Variants in SCML4 observed in about 807,000 individuals in gnomAD.
The protein encoded by SCML4 is Scm polycomb group protein like 4.
SCML4 carries 34 observed loss-of-function variants against 41.1 expected under a neutral mutation model. The observed-to-expected ratio is 0.83, with a 90% CI of 0.63 to 1.10. The LOEUF (loss-of-function observed/expected upper bound fraction) is 1.10, where lower values mean the gene tolerates loss of function less well. Among genes scored for constraint, SCML4 ranks in the 50% least tolerant of loss-of-function variants. The pLI, the probability that SCML4 is intolerant of heterozygous loss-of-function variation, is 0.00. For synonymous variants in SCML4, 214 were observed against 220.9 expected (o/e 0.97, Z 0.28); for missense variants, 522 against 534.1 (o/e 0.98, Z 0.22).
chr6:107,773,746 G>C (rs979424577), intron 1 of SCML4, among the ~76,000 whole-genome samples: 2 of 152,202 alleles, frequency 1.3e-5, no homozygotes, highest in African/African-American at 4.8e-5. Flanking sequence ...TGATGAGTGA[G>C]GCAGAACTTT....
At chr6:107,739,680 A>T (rs1777406404) in intron 5 of SCML4, among the ~76,000 whole-genome samples, 1 of 152,210 alleles carries the variant, frequency 6.6e-6, no homozygotes, top group African/African-American at 2.4e-5. Flanking sequence ...CCTCATACAA[A>T]TGCATATGCC....
At chr6:107,790,772 G>T (rs543168286) in intron 1 of SCML4, among the ~76,000 whole-genome samples, 7 of 152,120 alleles carry the variant, frequency 4.6e-5, no homozygotes, top group Non-Finnish European at 8.8e-5. Flanking sequence ...TCCCACAAAG[G>T]TCAAAGCACC....
intron 1 of SCML4, among the ~76,000 whole-genome samples, chr6:107,812,971 C>G (rs1290464752): frequency 6.6e-6 from 1 of 151,718 alleles, no homozygotes; most frequent in Non-Finnish European, 1.5e-5. Context: ...TCCTGCATTC[C>G]TAATATTTAC....
chr6:107,755,552 C>A, intron 2 of SCML4: 1 of 1,254,172 alleles, frequency 8.0e-7, no homozygotes, highest in African/African-American at 1.6e-5. Context: ...GATGCAGGGC[C>A]CAGTCCATCA....
intron 2 of SCML4, among the ~76,000 whole-genome samples, chr6:107,752,585 G>T (rs1778783625): frequency 6.6e-6 from 1 of 152,124 alleles, no homozygotes; most frequent in African/African-American, 2.4e-5. Flanking sequence ...AAGAAAACTG[G>T]GAGAGGGTGG....
chr6:107,706,533 A>G (rs1240258328), intron 7 of SCML4, among the ~76,000 whole-genome samples: 1 of 152,242 alleles, frequency 6.6e-6, no homozygotes, highest in Admixed American at 6.5e-5. Flanking sequence ...GGAAGGCGGA[A>G]TAATGCTCCT....
At chr6:107,784,813 G>T (rs750603854) in intron 1 of SCML4, among the ~76,000 whole-genome samples, 1 of 152,200 alleles carries the variant, frequency 6.6e-6, no homozygotes, top group Non-Finnish European at 1.5e-5. Context: ...GCCCATATGT[G>T]GGGGCTGCAC....
chr6:107,771,010 CAT>C (rs1355416683), intron 2 of SCML4, among the ~76,000 whole-genome samples: 1 of 152,164 alleles, frequency 6.6e-6, no homozygotes, highest in African/African-American at 2.4e-5. Context: ...CTGGCATGCA[CAT>C]GAAAGAAAGG....
intron 1 of SCML4, among the ~76,000 whole-genome samples, chr6:107,787,237 A>C (rs1232365626): frequency 6.6e-6 from 1 of 152,254 alleles, no homozygotes. Context: ...CTCTCTGGGC[A>C]TGAAATAACC....
At chr6:107,714,183 C>G (rs981853003) in intron 6 of SCML4, among the ~76,000 whole-genome samples, 1 of 152,100 alleles carries the variant, frequency 6.6e-6, no homozygotes, top group African/African-American at 2.4e-5. Context: ...GACCAGCTGG[C>G]CTGCCTGTGT....
intron 5 of SCML4, among the ~76,000 whole-genome samples, chr6:107,737,845 G>T (rs1406018741): frequency 6.6e-6 from 1 of 152,088 alleles, no homozygotes; most frequent in Non-Finnish European, 1.5e-5. Context: ...TCAGCGCTGT[G>T]CAATCTATGC....
chr6:107,825,493 G>A (rs1251542886), upstream of SCML4, among the ~76,000 whole-genome samples: 1 of 152,210 alleles, frequency 6.6e-6, no homozygotes, highest in Non-Finnish European at 1.5e-5. Context: ...TCAAAGCCTT[G>A]TAATTAATTG....
At chr6:107,756,292 T>C (rs1039572731) in intron 2 of SCML4, among the ~76,000 whole-genome samples, 3 of 152,168 alleles carry the variant, frequency 2.0e-5, no homozygotes, top group African/African-American at 7.2e-5. Context: ...CAGTGATAAG[T>C]CATGTCACTA....
intron 1 of SCML4, among the ~76,000 whole-genome samples, chr6:107,823,429 G>T (rs1296209215): frequency 6.6e-6 from 1 of 152,202 alleles, no homozygotes; most frequent in African/African-American, 2.4e-5. Context: ...TCAAGTCACA[G>T]TGCTCCACCT....
intron 1 of SCML4, among the ~76,000 whole-genome samples, chr6:107,777,562 T>C (rs1171634249): frequency 2.6e-5 from 4 of 152,192 alleles, no homozygotes; most frequent in Non-Finnish European, 4.4e-5. Flanking sequence ...TTTCTAACAG[T>C]TTTTGTTCTT....
upstream of SCML4, among the ~76,000 whole-genome samples, chr6:107,826,979 T>C (rs187305150): frequency 5.7e-3 from 867 of 151,876 alleles, 4 homozygotes; most frequent in Non-Finnish European, 9.5e-3. Context: ...AGGAGAATGG[T>C]GTGAACCCGG....
intron 1 of SCML4, among the ~76,000 whole-genome samples, chr6:107,813,372 AT>A (rs1562284382): frequency 0.28 from 3,183 of 11,212 alleles, 298 homozygotes; most frequent in African/African-American, 0.4. Context: ...CAAAAAAATT[AT>A]ATATATATAT....
At chr6:107,726,194 A>G (rs1775948620) in intron 5 of SCML4, among the ~76,000 whole-genome samples, 1 of 152,040 alleles carries the variant, frequency 6.6e-6, no homozygotes, top group Non-Finnish European at 1.5e-5. Context: ...AAAAGGGGCT[A>G]GACTTATACA....
chr6:107,728,684 C>T (rs188784862), intron 5 of SCML4, among the ~76,000 whole-genome samples: 2 of 152,278 alleles, frequency 1.3e-5, no homozygotes, highest in Admixed American at 1.3e-4. Flanking sequence ...AAAAGCTAAC[C>T]TCTGGGCTGT....
Sources: allele counts gnomAD v4.1 joint callset (sites outside exome capture counted in the v4.1 genomes callset), GRCh38; gene constraint gnomAD v4.1.1; transcripts MANE v1.5; gene names NCBI Gene and HGNC (gene_info 2026-07-23, HGNC 2026-07-21).